Variants in SLC22A3 observed in about 807,000 individuals in gnomAD.
The protein encoded by SLC22A3 is solute carrier family 22 member 3, also known as EMT organic cation transporter 3.
In SLC22A3, 51 loss-of-function variants were observed where a neutral mutation model predicts 59.1. The ratio of observed to expected loss-of-function variants is 0.86; its 90% confidence interval spans 0.69 to 1.09. The LOEUF (loss-of-function observed/expected upper bound fraction) is 1.09, where lower values mean the gene tolerates loss of function less well. SLC22A3 is among the 50% of genes least tolerant of loss of function. The probability of loss-of-function intolerance (pLI) is 0.00; values close to 1 mark genes in which losing one functional copy is unlikely to be tolerated. For synonymous variants in SLC22A3, 325 were observed against 292.0 expected (o/e 1.11, Z -1.15); for missense variants, 711 against 726.3 (o/e 0.98, Z 0.24).
chr6:160,412,421 C>T (rs999142756), intron 5 of SLC22A3, among the ~76,000 whole-genome samples: 2 of 152,130 alleles, frequency 1.3e-5, no homozygotes, highest in Non-Finnish European at 2.9e-5. Context: ...GAAGCTTGGT[C>T]ATGTATATTT....
At chr6:160,407,236 G>T in intron 3 of SLC22A3, 41 bp downstream of exon 3, 1 of 1,549,694 alleles carries the variant, frequency 6.5e-7, no homozygotes, top group Non-Finnish European at 8.7e-7. Flanking sequence ...TGGAAACTAG[G>T]GCCAGATAGC....
At chr6:160,396,118 G>A (rs569250933) in intron 1 of SLC22A3, among the ~76,000 whole-genome samples, 1 of 152,286 alleles carries the variant, frequency 6.6e-6, no homozygotes, top group East Asian at 1.9e-4. Flanking sequence ...CCCTTTTAAG[G>A]ATGCAGGTTC....
Position 160,396,620 on chromosome 6 carries a change from A to C in SLC22A3, c.430-1359A>C, listed in dbSNP as rs80166329. 1.7e-3 allele frequency among the ~76,000 whole-genome samples: 255 copies of C among 152,322 alleles called. 6 individuals carry two copies. In the East Asian group the frequency reaches 0.039, roughly 23 times the overall value. On this transcript the variant is annotated intron_variant, in intron 1 of 10. Transcript: ENST00000275300. ...TTTTGAGCCCTAACTCATTCTAGTAATAAATAATATATCCACTGATTTCAT... is the reference window on the plus strand; with the variant it reads ...TTTTGAGCCCTAACTCATTCTAGTACTAAATAATATATCCACTGATTTCAT...
chr6:160,401,318 T>C (rs1786772110), intron 2 of SLC22A3, among the ~76,000 whole-genome samples: 1 of 151,950 alleles, frequency 6.6e-6, no homozygotes, highest in African/African-American at 2.4e-5. Context: ...GGGGGGATAA[T>C]GTCTTACTAT....
intron 1 of SLC22A3, among the ~76,000 whole-genome samples, chr6:160,358,670 GA>G (rs2114746631): frequency 6.6e-6 from 1 of 152,358 alleles, no homozygotes; most frequent in East Asian, 1.9e-4. Flanking sequence ...GGACAAATGA[GA>G]AACATGCAGG....
intron 7 of SLC22A3, among the ~76,000 whole-genome samples, chr6:160,441,798 G>T (rs1302725222): frequency 6.6e-6 from 1 of 152,120 alleles, no homozygotes; most frequent in Non-Finnish European, 1.5e-5. Context: ...GATATAAAGG[G>T]AAAATGAAAG....
chr6:160,398,659 T>A (rs1786626928), intron 2 of SLC22A3, among the ~76,000 whole-genome samples: 1 of 152,264 alleles, frequency 6.6e-6, no homozygotes, highest in Non-Finnish European at 1.5e-5. Flanking sequence ...CAAGACATCA[T>A]GCTTTCTATT....
intron 1 of SLC22A3, among the ~76,000 whole-genome samples, chr6:160,378,246 G>T (rs1671672413): frequency 6.6e-6 from 1 of 152,154 alleles, no homozygotes; most frequent in African/African-American, 2.4e-5. Flanking sequence ...GTTTAAAAAA[G>T]ATACACATTA....
At chr6:160,395,126 C>G (rs1180297766) in intron 1 of SLC22A3, among the ~76,000 whole-genome samples, 2 of 152,156 alleles carry the variant, frequency 1.3e-5, no homozygotes, top group African/African-American at 4.8e-5. Flanking sequence ...GCACTTTAAC[C>G]ATTGAAGTAT....
At chr6:160,387,751 A>G (rs1289875474) in intron 1 of SLC22A3, among the ~76,000 whole-genome samples, 1 of 152,156 alleles carries the variant, frequency 6.6e-6, no homozygotes, top group Non-Finnish European at 1.5e-5. Context: ...CAAGGTAAAA[A>G]CTAGTAAAGA....
Position 160,408,918 on chromosome 6 carries a change from A to G in SLC22A3, c.854A>G (p.Tyr285Cys). 2 of 1,613,248 alleles carry G rather than the reference A, an allele frequency of 1.2e-6. No individual in the cohort carries two copies. The highest frequency in any genetic ancestry group is 1.7e-6 in the Non-Finnish European group (2 of 1,179,600). Residue 285 changes from tyrosine (Y) to cysteine (C), a missense_variant, in exon 4 of 11, where the codon TAC (tyrosine) becomes TGC (cysteine). Physicochemically the swap from Tyr to Cys is radical, Grantham distance 194. Coordinates refer to ENST00000275300, the MANE Select transcript of SLC22A3 (RefSeq NM_021977.4). ...CCCAGCTTTCTCTTCCTCCTTTATT[A>G]CTGGTAATGTGGTTTTGGTTATCAT... ...TLPSFLFLLY[Y>C]WVVPESPRWL...
intron 1 of SLC22A3, among the ~76,000 whole-genome samples, chr6:160,366,785 G>A (rs1278407617): frequency 1.3e-5 from 2 of 152,090 alleles, no homozygotes; most frequent in African/African-American, 2.4e-5. Context: ...CCACATGAAA[G>A]CTGCCAATGC....
chr6:160,389,134 C>T (rs147961685), intron 1 of SLC22A3, among the ~76,000 whole-genome samples: 5 of 152,206 alleles, frequency 3.3e-5, no homozygotes, highest in Non-Finnish European at 7.4e-5. Context: ...CACTCACGGT[C>T]AGATGACATG....
intron 1 of SLC22A3, among the ~76,000 whole-genome samples, chr6:160,370,071 C>G (rs1167330744): frequency 6.6e-6 from 1 of 152,188 alleles, no homozygotes; most frequent in Non-Finnish European, 1.5e-5. Context: ...ATGGTGGCTG[C>G]AGACGTCTTA....
chr6:160,359,420 T>G (rs981332944), intron 1 of SLC22A3, among the ~76,000 whole-genome samples: 3 of 152,248 alleles, frequency 2.0e-5, no homozygotes, highest in Non-Finnish European at 4.4e-5. Flanking sequence ...CTTACAGTTA[T>G]CAATACTCAC....
Position 160,408,862 on chromosome 6 carries a change from C to A in SLC22A3, c.798C>A (p.Asn266Lys), listed in dbSNP as rs1787127289. 2 of 1,613,890 alleles carry A rather than the reference C, an allele frequency of 1.2e-6. No individual in the cohort carries two copies. Among genetic ancestry groups the A allele is most frequent in the Non-Finnish European group, 1.7e-6 (2 of 1,179,878 alleles). Residue 266 changes from asparagine (N) to lysine (K), a missense_variant, in exon 4 of 11, where the codon AAC becomes AAA. Asn to Lys is a moderately conservative substitution (Grantham distance 94, BLOSUM62 0). Transcript: ENST00000275300. ...CTGGAATTGCCTACTTCATCCCCAA[C>A]TGGCAAGGAATCCAGTTAGCCATCA... Reference protein sequence around the residue: ...ILPGIAYFIPNWQGIQLAITL... With the variant: ...ILPGIAYFIPKWQGIQLAITL...
chr6:160,392,162 A>T (rs1278127063), intron 1 of SLC22A3, among the ~76,000 whole-genome samples: 3 of 152,082 alleles, frequency 2.0e-5, no homozygotes, highest in East Asian at 3.9e-4. Context: ...TGCCCAGCTT[A>T]AAACAGTGTA....
chr6:160,351,376 A>G (rs1420788507), intron 1 of SLC22A3, among the ~76,000 whole-genome samples: 3 of 152,154 alleles, frequency 2.0e-5, no homozygotes, highest in Admixed American at 6.5e-5. Flanking sequence ...TGGCTTCCCA[A>G]AGTGCTGGGA....
chr6:160,398,105 T>C (rs1212133942), intron 2 of SLC22A3, 23 bp downstream of exon 2: 3 of 1,496,514 alleles, frequency 2.0e-6, no homozygotes, highest in Admixed American at 1.7e-5. Flanking sequence ...GTGACAGCCA[T>C]TTTATGTCAC....
Sources: allele counts gnomAD v4.1 joint callset (sites outside exome capture counted in the v4.1 genomes callset), GRCh38; gene constraint gnomAD v4.1.1; transcripts MANE v1.5; gene names NCBI Gene and HGNC (gene_info 2026-07-23, HGNC 2026-07-21).